The following PTH2R variants were observed in gnomAD, a reference collection of about 807,000 sequenced individuals.
PTH2R encodes the protein parathyroid hormone 2 receptor.
In PTH2R, 59 loss-of-function variants were observed where a neutral mutation model predicts 60.3. That is an observed-to-expected ratio of 0.98 (90% CI 0.79 to 1.22). The LOEUF (loss-of-function observed/expected upper bound fraction) is 1.22, where lower values mean the gene tolerates loss of function less well. Ranked by LOEUF, PTH2R falls within the 50% of genes most tolerant of loss-of-function variation. PTH2R has a pLI of 0.00. For synonymous variants in PTH2R, 256 were observed against 243.8 expected (o/e 1.05, Z -0.47); for missense variants, 749 against 682.6 (o/e 1.10, Z -1.08).
chr2:208,478,928 T>A (rs1371803472), intron 9 of PTH2R, among the ~76,000 whole-genome samples: 1 of 152,234 alleles, frequency 6.6e-6, no homozygotes, highest in African/African-American at 2.4e-5. Context: ...TCAATTCATT[T>A]ACCATAGTTA....
chr2:208,474,851 C>T (rs530586026), intron 9 of PTH2R, among the ~76,000 whole-genome samples: 28 of 152,314 alleles, frequency 1.8e-4, no homozygotes, highest in African/African-American at 6.3e-4. Context: ...CCTTTAAGTG[C>T]ATAGTCCTGT....
chr2:208,439,537 CA>C (rs2105867564), intron 4 of PTH2R, among the ~76,000 whole-genome samples: 1 of 151,392 alleles, frequency 6.6e-6, no homozygotes, highest in South Asian at 2.1e-4. Flanking sequence ...GAAGGAAAGG[CA>C]AAAAACTAAA....
At chr2:208,391,354 C>A (rs956907762) in intron 1 of PTH2R, among the ~76,000 whole-genome samples, 1 of 152,110 alleles carries the variant, frequency 6.6e-6, no homozygotes, top group Non-Finnish European at 1.5e-5. Flanking sequence ...AAAAGTGACC[C>A]AAGGAAGGTG....
At chr2:208,403,832 C>T (rs1462152692), upstream of PTH2R, among the ~76,000 whole-genome samples, 1 of 152,128 alleles carries the variant, frequency 6.6e-6, no homozygotes, top group Admixed American at 6.5e-5. Flanking sequence ...AGGATTGAGA[C>T]CTGAGATCTT....
intron 9 of PTH2R, among the ~76,000 whole-genome samples, chr2:208,473,922 G>T (rs1702939533): frequency 1.3e-5 from 2 of 151,978 alleles, no homozygotes; most frequent in South Asian, 4.2e-4. Flanking sequence ...AGAATTATAG[G>T]GTTTTGGAGC....
intron 3 of PTH2R, 44 bp from the exon 4 acceptor site, chr2:208,437,716 T>G (rs1213694522): frequency 6.2e-7 from 1 of 1,605,612 alleles, no homozygotes; most frequent in East Asian, 2.2e-5. Flanking sequence ...GATAATAGAT[T>G]CTAAGGGAAC....
chr2:208,469,351 A>G (rs1429702720), intron 9 of PTH2R, among the ~76,000 whole-genome samples: 2 of 152,212 alleles, frequency 1.3e-5, no homozygotes, highest in Non-Finnish European at 2.9e-5. Context: ...TAGATCCCTT[A>G]CTTAATTCTG....
intron 10 of PTH2R, 70 bp from the exon 11 acceptor site, chr2:208,488,940 TTC>T: frequency 1.3e-6 from 2 of 1,554,668 alleles, no homozygotes. Context: ...AGTTTTTTTT[TTC>T]CTCCAGCACG....
At chr2:208,388,176 C>T (rs4675765) in intron 1 of PTH2R, among the ~76,000 whole-genome samples, 134,196 of 147,738 alleles carry the variant, frequency 0.91, 61,853 homozygotes, top group Non-Finnish European at 0.98. Flanking sequence ...ATTAGCCGGG[C>T]GTGGTGGCGG....
chr2:208,462,810 A>C (rs1368699058), intron 9 of PTH2R, among the ~76,000 whole-genome samples: 1 of 152,226 alleles, frequency 6.6e-6, no homozygotes, highest in African/African-American at 2.4e-5. Context: ...GTCTGTGCCA[A>C]GGTTGAGCGT....
chr2:208,404,637 TAAC>T (rs976263155), upstream of PTH2R, among the ~76,000 whole-genome samples: 29 of 152,256 alleles, frequency 1.9e-4, no homozygotes, highest in African/African-American at 6.3e-4. Context: ...TTATTAGTAA[TAAC>T]AACCTTTCCT....
intron 1 of PTH2R, among the ~76,000 whole-genome samples, chr2:208,391,872 C>G (rs547687025): frequency 6.6e-6 from 1 of 152,276 alleles, no homozygotes; most frequent in African/African-American, 2.4e-5. Flanking sequence ...TTGAGAAGAG[C>G]TTCAGTACCT....
At chr2:208,465,365 A>G (rs563260997) in intron 9 of PTH2R, among the ~76,000 whole-genome samples, 1 of 129,806 alleles carries the variant, frequency 7.7e-6, no homozygotes, top group South Asian at 2.5e-4. Context: ...CACTTTTCAC[A>G]TACTTGTTGG....
At chr2:208,458,156 A>G (rs1702552769) in intron 8 of PTH2R, among the ~76,000 whole-genome samples, 1 of 152,188 alleles carries the variant, frequency 6.6e-6, no homozygotes, top group Non-Finnish European at 1.5e-5. Context: ...TTGGGTGAGC[A>G]TGAGTAAAAC....
intron 6 of PTH2R, 113 bp from the exon 7 acceptor site, chr2:208,444,618 AAGG>A: frequency 4.1e-6 from 4 of 968,110 alleles, no homozygotes; most frequent in Non-Finnish European, 6.1e-6. Flanking sequence ...TTACTGTGTA[AAGG>A]AGACATATTA....
At chr2:208,476,953 T>A (rs1239702187) in intron 9 of PTH2R, among the ~76,000 whole-genome samples, 1 of 152,192 alleles carries the variant, frequency 6.6e-6, no homozygotes. Flanking sequence ...GCAAGTTACC[T>A]TTTCTATGCC....
chr2:208,399,914 C>T (rs1288616981), intron 1 of PTH2R, among the ~76,000 whole-genome samples: 2 of 152,090 alleles, frequency 1.3e-5, no homozygotes, highest in Non-Finnish European at 2.9e-5. Context: ...TCACCTTTTC[C>T]TTCCCAGCAT....
rs759604231 is a variant in PTH2R, at chr2:208,428,291, C to A, written c.166C>A (p.Leu56Ile). The A allele has an allele frequency of 2.7e-5, 44 of 1,611,728 alleles. No homozygotes were observed. In the East Asian group the frequency reaches 9.6e-4, roughly 35 times the overall value. Reference protein sequence around the residue: ...VQCELNITAQLQEGEGNCFPE... With the variant: ...VQCELNITAQIQEGEGNCFPE... ...ATGTGAACTCAACATCACAGCTCAA[C>A]TCCAGGAGGGAGGTAAAGATGCCAA... Residue 56 changes from leucine to isoleucine, a missense_variant, in exon 2 of 13, where the codon CTC becomes ATC. Physicochemically the swap from Leu to Ile is conservative, Grantham distance 5. Transcript: ENST00000272847.
chr2:208,474,640 A>G (rs185235103), intron 9 of PTH2R, among the ~76,000 whole-genome samples: 16 of 152,334 alleles, frequency 1.1e-4, no homozygotes, highest in Admixed American at 6.5e-4. Context: ...CAGACTGTGG[A>G]GTTTGATGGG....
Sources: allele counts gnomAD v4.1 joint callset (sites outside exome capture counted in the v4.1 genomes callset), GRCh38; gene constraint gnomAD v4.1.1; transcripts MANE v1.5; gene names NCBI Gene and HGNC (gene_info 2026-07-23, HGNC 2026-07-21).